COLEC11: variants seen among roughly 807,000 people sequenced by gnomAD.
COLEC11 encodes the protein collectin subfamily member 11.
A neutral mutation model predicts 27.3 loss-of-function variants in COLEC11; 20 were observed. The observed-to-expected ratio is 0.73, with a 90% CI of 0.51 to 1.06. The LOEUF is 1.06. COLEC11 is among the 50% of genes least tolerant of loss of function. The probability of loss-of-function intolerance (pLI) is 0.00; values close to 1 mark genes in which losing one functional copy is unlikely to be tolerated. For missense variants in COLEC11, 310 were observed against 383.0 expected, an observed-to-expected ratio of 0.81 and a Z score of 1.59; for synonymous variants, 163 against 154.7, an observed-to-expected ratio of 1.05 and a Z score of -0.40.
chr2:3,603,550 T>A, intron 1 of COLEC11: 1 of 1,146,400 alleles, frequency 8.7e-7, no homozygotes, highest in Middle Eastern at 1.9e-4. Context: ...CTCCCGACTT[T>A]AGGTGATCTG....
intron 3 of COLEC11, among the ~76,000 whole-genome samples, chr2:3,635,651 G>A (rs2147949386): frequency 6.6e-6 from 1 of 152,344 alleles, no homozygotes. Flanking sequence ...CCAGCGCCCT[G>A]CACAGCTGGC....
intron 3 of COLEC11, among the ~76,000 whole-genome samples, chr2:3,626,299 G>T (rs1472835045): frequency 6.6e-6 from 1 of 152,244 alleles, no homozygotes; most frequent in South Asian, 2.1e-4. Context: ...GACCACAGAC[G>T]TGGAACCAGA....
intron 4 of COLEC11, among the ~76,000 whole-genome samples, chr2:3,638,167 G>A (rs1038069625): frequency 1.3e-5 from 2 of 152,228 alleles, no homozygotes; most frequent in African/African-American, 4.8e-5. Context: ...GTGGTAAGGC[G>A]GGCAGATCAG....
At chr2:3,621,224 T>G (rs1290345168) in intron 3 of COLEC11, among the ~76,000 whole-genome samples, 2 of 152,260 alleles carry the variant, frequency 1.3e-5, no homozygotes, top group African/African-American at 4.8e-5. Flanking sequence ...GTGTGTATAT[T>G]TGTAATGATT....
intron 1 of COLEC11, chr2:3,604,097 C>T (rs1572388430): frequency 1.6e-6 from 1 of 610,070 alleles, no homozygotes. Context: ...GGCTGGCATG[C>T]ACTTGGTGCC....
intron 2 of COLEC11, among the ~76,000 whole-genome samples, chr2:3,606,817 C>T (rs2147863318): frequency 6.6e-6 from 1 of 152,330 alleles, no homozygotes; most frequent in East Asian, 1.9e-4. Flanking sequence ...AGACTTCATC[C>T]CTGCCGGCCC....
At chr2:3,616,559 C>A (rs1270083520) in intron 3 of COLEC11, among the ~76,000 whole-genome samples, 1 of 152,264 alleles carries the variant, frequency 6.6e-6, no homozygotes, top group East Asian at 1.9e-4. Context: ...GAGCTGGAGA[C>A]CAGCCCGGCC....
intron 3 of COLEC11, among the ~76,000 whole-genome samples, chr2:3,615,399 T>C (rs1035098839): frequency 1.3e-5 from 2 of 152,220 alleles, no homozygotes; most frequent in Admixed American, 1.3e-4. Flanking sequence ...GCACCGCCCT[T>C]AATCCATTTA....
chr2:3,634,815 C>CCACA (rs1665266227), intron 3 of COLEC11, among the ~76,000 whole-genome samples: 2 of 151,948 alleles, frequency 1.3e-5, no homozygotes, highest in African/African-American at 4.8e-5. Context: ...TGGCAGGGCC[C>CCACA]CCTCTGGTGT....
intron 3 of COLEC11, among the ~76,000 whole-genome samples, chr2:3,614,033 G>A (rs11123652): frequency 0.68 from 100,736 of 147,728 alleles, 35,102 homozygotes; most frequent in South Asian, 0.88. Context: ...CTGGAGTGCA[G>A]TGGCACAGTC....
chr2:3,605,958 C>T (rs1373505493), intron 2 of COLEC11: 1 of 1,139,928 alleles, frequency 8.8e-7, no homozygotes, highest in Non-Finnish European at 1.2e-6. Context: ...AGCCCAGTGG[C>T]CTTTGTGCTT....
rs1664536765 is a variant in COLEC11 at position 3,626,133 on chromosome 2, C to T, written c.203-11400C>T. 2.6e-6 allele frequency: 4 copies of T among 1,517,780 alleles called. No homozygotes were observed. The East Asian group carries it at 9.0e-5, about 34-fold the overall frequency. 94.0% of individuals were successfully genotyped at this position (1,517,780 alleles called of 1,614,324 possible). A position where few individuals can be genotyped will look rare whatever the true frequency, so the allele number is the denominator to read the frequency against. ...ATCCCACCTTCACACTTAAGTTGGACCCTGAGATGCAGAGAATAGGCAACC... is the reference window on the plus strand; with the variant it reads ...ATCCCACCTTCACACTTAAGTTGGATCCTGAGATGCAGAGAATAGGCAACC... On this transcript the variant is annotated intron_variant, in intron 3 of 6. Coordinates refer to ENST00000349077, the MANE Select transcript of COLEC11 (RefSeq NM_024027.5).
chr2:3,610,471 C>T (rs1417566029), intron 2 of COLEC11, among the ~76,000 whole-genome samples: 1 of 152,198 alleles, frequency 6.6e-6, no homozygotes, highest in Non-Finnish European at 1.5e-5. Flanking sequence ...GAGCAGACTG[C>T]TGTCATGTAG....
At chr2:3,640,417 TC>T in intron 5 of COLEC11, 86 bp downstream of exon 5, 2 of 781,772 alleles carry the variant, frequency 2.6e-6, no homozygotes, top group Non-Finnish European at 4.4e-6. Flanking sequence ...ACCATGTAGA[TC>T]CCACAGTGGA....
chr2:3,615,320 G>A (rs1663580444), intron 3 of COLEC11, among the ~76,000 whole-genome samples: 1 of 152,166 alleles, frequency 6.6e-6, no homozygotes, highest in African/African-American at 2.4e-5. Flanking sequence ...GGGTACTTGA[G>A]ATTAGGGAGT....
At chr2:3,625,784 C>G (rs1230394123) in intron 3 of COLEC11, among the ~76,000 whole-genome samples, 1 of 152,020 alleles carries the variant, frequency 6.6e-6, no homozygotes. Context: ...AGGCGCCCAC[C>G]ACCACGCCCG....
rs373362343 is a variant in COLEC11 at position 3,643,439 on chromosome 2, C to T, written c.329-5C>T. 1.5e-5 allele frequency: 24 copies of T among 1,612,444 alleles called. No individual in the cohort carries two copies. Among genetic ancestry groups the T allele is most frequent in the South Asian group, 4.4e-5 (4 of 91,068 alleles). ...GTTTGTAACGCGTGGGCCTGGCCCC[C>T]GCAGGCCTCCCATGTGAGTGCAGCC... On this transcript the variant is annotated splice_polypyrimidine_tract_variant and splice_region_variant and intron_variant, in intron 5 of 6. Coordinates refer to ENST00000349077, the MANE Select transcript of COLEC11 (RefSeq NM_024027.5).
At chr2:3,607,221 A>G (rs1047715335) in intron 2 of COLEC11, among the ~76,000 whole-genome samples, 2 of 152,134 alleles carry the variant, frequency 1.3e-5, no homozygotes, top group Admixed American at 6.5e-5. Context: ...ATTCCAGGCC[A>G]TTTCAGATAA....
chr2:3,601,928 ATGACT>A (rs1662260305), intron 1 of COLEC11: 1 of 152,214 alleles, frequency 6.6e-6, no homozygotes, highest in African/African-American at 2.4e-5. Context: ...AGGATTTCAA[ATGACT>A]TCCCTTCGAG....
Sources: gnomAD v4.1 joint callset for allele counts (sites outside exome capture counted in the v4.1 genomes callset) on GRCh38, gnomAD v4.1.1 for gene constraint, MANE v1.5 for transcripts, NCBI Gene and HGNC (gene_info 2026-07-23, HGNC 2026-07-21) for gene names.